PLEKHA5: variants seen among roughly 807,000 people sequenced by gnomAD.
The protein encoded by PLEKHA5 is pleckstrin homology domain-containing family A member 5.
Under a neutral mutation model 181.9 loss-of-function variants are expected in PLEKHA5, and 55 were observed. That is an observed-to-expected ratio of 0.30 (90% CI 0.24 to 0.38). PLEKHA5 has a LOEUF of 0.38. Among genes scored for constraint, PLEKHA5 ranks in the 10% least tolerant of loss-of-function variants. The pLI is 1.00. For synonymous variants in PLEKHA5, 535 were observed against 529.4 expected (o/e 1.01, Z -0.15); for missense variants, 1,432 against 1,549.5 (o/e 0.92, Z 1.27).
At chr12:19,345,909 TA>T in intron 23 of PLEKHA5, 21 bp downstream of exon 23, 1 of 1,229,296 alleles carries the variant, frequency 8.1e-7, no homozygotes, top group Non-Finnish European at 1.2e-6. Flanking sequence ...ATTGTTTTTC[TA>T]ATTATAAATT....
intron 15 of PLEKHA5, among the ~76,000 whole-genome samples, chr12:19,298,109 G>A (rs747284271): frequency 6.6e-6 from 1 of 152,054 alleles, no homozygotes; most frequent in East Asian, 1.9e-4. Context: ...TGAGGCAGGA[G>A]AATTGCTTGA....
At chr12:19,253,064 C>CTTTTTTTTTTTTTGTTTTTTTT (rs2065793540) in intron 3 of PLEKHA5, among the ~76,000 whole-genome samples, 1 of 45,834 alleles carries the variant, frequency 2.2e-5, no homozygotes, top group Non-Finnish European at 4.6e-5. Context: ...ATCAACTTAC[C>CTTTTTTTTTTTTTGTTTTTTTT]TTTTTTTTTT....
chr12:19,350,445 T>A (rs938871881), intron 25 of PLEKHA5, among the ~76,000 whole-genome samples: 1 of 152,180 alleles, frequency 6.6e-6, no homozygotes, highest in Non-Finnish European at 1.5e-5. Context: ...TGTAATCTGC[T>A]AAAGGATCAC....
chr12:19,342,511 C>A lies in PLEKHA5; in HGVS notation c.2551-812C>A, dbSNP rs1430433959. ...ATCTCTACTAAAAATACAAAATTAG[C>A]CGGGTGTGGTGGCACATGCCTGTAA... On this transcript the variant is annotated intron_variant, in intron 21 of 31. Transcript: ENST00000429027. Among the ~76,000 whole-genome samples, 3 of 152,212 alleles carry A rather than the reference C, an allele frequency of 2.0e-5. No homozygotes were observed. The East Asian group carries it at 5.8e-4, about 29-fold the overall frequency.
intron 15 of PLEKHA5, among the ~76,000 whole-genome samples, chr12:19,298,163 C>A (rs2080412876): frequency 6.6e-6 from 1 of 152,054 alleles, no homozygotes; most frequent in Non-Finnish European, 1.5e-5. Context: ...CGCACCACTG[C>A]ACTCCAGCCT....
In PLEKHA5 at chr12:19,160,516, C is replaced by T. The variant is rs574524030; in HGVS notation, c.227+28066C>T. The stretch of plus-strand genomic sequence containing the variant: ...ACACCAAAAAATGTTAATACCTGTA[C>T]TCTACCACTGTATATGTAACTATTG... On this transcript the variant is annotated intron_variant, in intron 3 of 31. Transcript: ENST00000429027. Among the ~76,000 whole-genome samples the T allele has an allele frequency of 4.6e-5, 7 of 152,220 alleles. No individual in the cohort carries two copies. In the South Asian group the frequency reaches 1.5e-3, roughly 32 times the overall value.
At chr12:19,353,839 G>C (rs769714265) in intron 25 of PLEKHA5, 45 bp from the exon 26 acceptor site, 2 of 850,408 alleles carry the variant, frequency 2.4e-6, no homozygotes, top group Non-Finnish European at 4.1e-6. Flanking sequence ...AAGCAATGCT[G>C]TATAAAAGAT....
At chr12:19,146,871 T>G (rs1321803354) in intron 3 of PLEKHA5, among the ~76,000 whole-genome samples, 1 of 152,228 alleles carries the variant, frequency 6.6e-6, no homozygotes, top group Non-Finnish European at 1.5e-5. Context: ...TGTATTACTT[T>G]GATAAAATTG....
Position 19,130,188 on chromosome 12 carries a change from C to T in PLEKHA5, c.169+58C>T, listed in dbSNP as rs2033071422. The T allele has an allele frequency of 3.1e-5, 36 of 1,176,652 alleles. No homozygotes were observed. Among genetic ancestry groups the T allele is most frequent in the Middle Eastern group, 2.6e-4 (1 of 3,790 alleles). 72.9% of individuals were successfully genotyped at this position (1,176,652 alleles called of 1,614,324 possible). Reference sequence around the variant, plus strand: ...CCTGGAGGAGGCGGCAGAGCCCGGGCCGCCCGGCTCCCCGCAACCTGCCCC... The same window carrying T: ...CCTGGAGGAGGCGGCAGAGCCCGGGTCGCCCGGCTCCCCGCAACCTGCCCC... On this transcript the variant is annotated intron_variant, in intron 2 of 31. Transcript: ENST00000429027. The surrounding 1 kb of genome is among the most constrained non-coding windows in gnomAD (Gnocchi z 4.5).
intron 3 of PLEKHA5, among the ~76,000 whole-genome samples, chr12:19,225,440 G>T (rs1319476282): frequency 1.3e-5 from 2 of 152,056 alleles, no homozygotes; most frequent in Non-Finnish European, 2.9e-5. Context: ...AAAATATGGG[G>T]TTTTAGTTTT....
intron 3 of PLEKHA5, among the ~76,000 whole-genome samples, chr12:19,214,015 A>G (rs897029694): frequency 1.2e-3 from 183 of 152,310 alleles, no homozygotes; most frequent in African/African-American, 4.2e-3. Context: ...TAGAATGTAA[A>G]GGTTTAGTTA....
At chr12:19,214,300 C>G (rs1037264085) in intron 3 of PLEKHA5, among the ~76,000 whole-genome samples, 1 of 152,160 alleles carries the variant, frequency 6.6e-6, no homozygotes, top group African/African-American at 2.4e-5. Flanking sequence ...GACCAAGAAG[C>G]ACCTTTTGAC....
Position 19,347,103 on chromosome 12 carries a change from A to G in PLEKHA5, c.2819A>G (p.Tyr940Cys), listed in dbSNP as rs2094371114. 1.3e-6 allele frequency: 2 copies of G among 1,550,918 alleles called. No individual in the cohort carries two copies. The highest frequency in any genetic ancestry group is 1.7e-6 in the Non-Finnish European group (2 of 1,146,290). The change falls in exon 24 of 32, where the codon TAT becomes TGT. Residue 940 changes from tyrosine to cysteine, a missense_variant. Tyr to Cys is a radical substitution (Grantham distance 194). Coordinates refer to ENST00000429027, the MANE Select transcript of PLEKHA5 (RefSeq NM_001256470.2). ...LPSDSSSLLC[Y>C]SRGPVHLPEE... ...AGTGATAGCAGCTCCTTGCTCTGTT[A>G]TAGCAGGGGCCCAGTTCATCTGCCT...
Position 19,369,689 on chromosome 12 carries a change from T to C in PLEKHA5, c.3755-4T>C, listed in dbSNP as rs554098825. 2 of 1,588,414 alleles carry C rather than the reference T, an allele frequency of 1.3e-6. No individual in the cohort carries two copies. The highest frequency in any genetic ancestry group is 4.5e-5 in the East Asian group (2 of 44,700). ...TCTTCTCCCATTTTCTTTGTGTGTT[T>C]TAGTGAAAAGTCTGTCCCCATCTCC... On this transcript the variant is annotated splice_polypyrimidine_tract_variant and splice_region_variant and intron_variant, in intron 30 of 31. Coordinates refer to ENST00000429027, the MANE Select transcript of PLEKHA5 (RefSeq NM_001256470.2).
At chr12:19,160,052 CATTTT>C (rs1240254841) in intron 3 of PLEKHA5, among the ~76,000 whole-genome samples, 4 of 152,044 alleles carry the variant, frequency 2.6e-5, no homozygotes, top group Non-Finnish European at 5.9e-5. Flanking sequence ...ATATAGCTCT[CATTTT>C]AGTTAACATA....
At chr12:19,137,020 A>G (rs1455498317) in intron 3 of PLEKHA5, among the ~76,000 whole-genome samples, 1 of 152,074 alleles carries the variant, frequency 6.6e-6, no homozygotes, top group Admixed American at 6.6e-5. Flanking sequence ...TATGTATTTG[A>G]TATTTAAAGT....
chr12:19,347,788 G>GA (rs944731102), intron 24 of PLEKHA5, among the ~76,000 whole-genome samples: 2 of 151,748 alleles, frequency 1.3e-5, no homozygotes, highest in African/African-American at 2.4e-5. Context: ...ACTACCTTGT[G>GA]AATGAAAATT....
intron 3 of PLEKHA5, among the ~76,000 whole-genome samples, chr12:19,209,017 T>C (rs1292757489): frequency 6.6e-6 from 1 of 152,130 alleles, no homozygotes; most frequent in African/African-American, 2.4e-5. Context: ...AAAATGGATA[T>C]TGTGATAAAA....
intron 28 of PLEKHA5, 74 bp from the exon 29 acceptor site, chr12:19,361,508 G>A: frequency 1.3e-6 from 1 of 791,550 alleles, no homozygotes; most frequent in Non-Finnish European, 2.0e-6. Context: ...ACTTTATTTT[G>A]GAATTATTTT....
Sources: gnomAD v4.1 joint callset for allele counts (sites outside exome capture counted in the v4.1 genomes callset) on GRCh38, gnomAD v4.1.1 for gene constraint, Gnocchi (gnomAD v3.1) non-coding constraint, MANE v1.5 for transcripts, NCBI Gene and HGNC (gene_info 2026-07-23, HGNC 2026-07-21) for gene names.